The following PTPRN2 variants were observed in gnomAD, a reference collection of about 807,000 sequenced individuals.
PTPRN2 encodes receptor-type tyrosine-protein phosphatase N2.
In PTPRN2, 74 loss-of-function variants were observed where a neutral mutation model predicts 118.8. That is an observed-to-expected ratio of 0.62 (90% CI 0.52 to 0.76). The LOEUF (loss-of-function observed/expected upper bound fraction) is 0.76, where lower values mean the gene tolerates loss of function less well. Ranked by LOEUF, PTPRN2 falls within the 30% of genes least tolerant of loss-of-function variation. PTPRN2 has a pLI of 0.00. For synonymous variants in PTPRN2, 641 were observed against 608.0 expected (o/e 1.05, Z -0.80); for missense variants, 1,481 against 1,394.4 (o/e 1.06, Z -0.99).
intron 11 of PTPRN2, among the ~76,000 whole-genome samples, chr7:157,952,254 A>G (rs1800860841): frequency 1.3e-5 from 2 of 152,014 alleles, no homozygotes; most frequent in South Asian, 2.1e-4. Flanking sequence ...CCGCAGGACA[A>G]CTTAGGAGGA....
At chr7:158,455,108 C>G (rs1234020705) in intron 2 of PTPRN2, among the ~76,000 whole-genome samples, 1 of 152,248 alleles carries the variant, frequency 6.6e-6, no homozygotes, top group Non-Finnish European at 1.5e-5. Flanking sequence ...AACAGAAACA[C>G]CACACCTCCA....
intron 11 of PTPRN2, among the ~76,000 whole-genome samples, chr7:157,975,093 G>A (rs1459483919): frequency 6.6e-6 from 1 of 152,086 alleles, no homozygotes; most frequent in Non-Finnish European, 1.5e-5. Flanking sequence ...GTGCAGCCCA[G>A]GCCCAGCACA....
chr7:157,805,716 A>G (rs1356862160), intron 12 of PTPRN2, among the ~76,000 whole-genome samples: 1 of 152,228 alleles, frequency 6.6e-6, no homozygotes, highest in Non-Finnish European at 1.5e-5. Context: ...CCAAGAAAGT[A>G]ACTTCAATAA....
intron 2 of PTPRN2, among the ~76,000 whole-genome samples, chr7:158,422,687 T>C (rs1815356259): frequency 6.6e-6 from 1 of 151,206 alleles, no homozygotes; most frequent in Admixed American, 6.6e-5. Flanking sequence ...CGCTGCCGGC[T>C]TCTGGGGCCA....
intron 16 of PTPRN2, among the ~76,000 whole-genome samples, 183 bp from the exon 17 acceptor site, chr7:157,595,498 G>GTTTA (rs1171846994): frequency 2.6e-5 from 3 of 115,572 alleles, no homozygotes; most frequent in East Asian, 4.2e-4. Flanking sequence ...GAAGCCTGGT[G>GTTTA]TTTAGGAAGC....
intron 3 of PTPRN2, among the ~76,000 whole-genome samples, chr7:158,209,031 C>T (rs1191933567): frequency 1.3e-5 from 2 of 150,530 alleles, no homozygotes; most frequent in Non-Finnish European, 3.0e-5. Flanking sequence ...ATTGTAACCT[C>T]AAATCAAAAA....
At chr7:158,281,638 G>A (rs1439509956) in intron 3 of PTPRN2, among the ~76,000 whole-genome samples, 8 of 152,196 alleles carry the variant, frequency 5.3e-5, no homozygotes, top group African/African-American at 1.2e-4. Flanking sequence ...CTCCTGCCAC[G>A]TCCCGTGCAA....
chr7:157,606,752 A>G (rs1292682005), intron 15 of PTPRN2, among the ~76,000 whole-genome samples: 2 of 152,158 alleles, frequency 1.3e-5, no homozygotes, highest in Admixed American at 6.5e-5. Context: ...TCTCTACGCA[A>G]TTCTTTCATT....
rs1302195501 is a variant in PTPRN2, at chr7:158,560,802, C to T, written c.112+26756G>A. On this transcript the variant is annotated intron_variant, in intron 1 of 22. Coordinates refer to ENST00000389418, the MANE Select transcript of PTPRN2 (RefSeq NM_002847.5). Reference sequence around the variant, plus strand: ...CCAAAAACACATGACTAGAACACTGCATCTTGAACAGCTTTAAAAGAAGGC... The same window carrying T: ...CCAAAAACACATGACTAGAACACTGTATCTTGAACAGCTTTAAAAGAAGGC... Among the ~76,000 whole-genome samples the T allele has an allele frequency of 2.7e-4, 41 of 152,268 alleles. 1 individual carries two copies. The highest frequency in any genetic ancestry group is 2.6e-3 in the Admixed American group (40 of 15,290).
chr7:158,333,705 A>C (rs1227529209), intron 2 of PTPRN2, among the ~76,000 whole-genome samples: 23 of 150,660 alleles, frequency 1.5e-4, no homozygotes, highest in Admixed American at 3.3e-4. Flanking sequence ...CTGTCACCAT[A>C]AGAGCTGAGG....
rs111771242 is a variant in PTPRN2, at chr7:158,397,526, C to T, written c.164-80594G>A. 6.7e-4 allele frequency among the ~76,000 whole-genome samples: 102 copies of T among 152,328 alleles called. 2 individuals are homozygous for T. Among genetic ancestry groups the T allele is most frequent in the African/African-American group, 2.4e-3 (98 of 41,570 alleles). ...GTGCCCTGCACCCTCACCTTCCCTTCCAGAGAAATAGTGTGTCCTGCCCCA... is the reference window on the plus strand; with the variant it reads ...GTGCCCTGCACCCTCACCTTCCCTTTCAGAGAAATAGTGTGTCCTGCCCCA... On this transcript the variant is annotated intron_variant, in intron 2 of 22. Transcript: ENST00000389418.
chr7:157,722,256 G>A (rs1037539660), intron 12 of PTPRN2, among the ~76,000 whole-genome samples: 1 of 152,248 alleles, frequency 6.6e-6, no homozygotes, highest in Non-Finnish European at 1.5e-5. Context: ...TATGCTGCCT[G>A]GCATATTTTG....
intron 12 of PTPRN2, among the ~76,000 whole-genome samples, chr7:157,728,881 T>A (rs1799739246): frequency 6.6e-6 from 1 of 152,128 alleles, no homozygotes; most frequent in Non-Finnish European, 1.5e-5. Context: ...CATGAAGAAC[T>A]CTTTCTCTGG....
At position 158,060,371 on chromosome 7, in the gene PTPRN2, G is replaced by A. The variant is rs538880549; in HGVS notation, c.1723+20927C>T. ...CCCCATCTCCCATGCAGCCCCCAGC[G>A]GCCGCCATCACAGGTCTCACTGTCT... is the stretch of plus-strand genomic sequence containing the variant. On this transcript the variant is annotated intron_variant, in intron 11 of 22. Coordinates refer to ENST00000389418, the MANE Select transcript of PTPRN2 (RefSeq NM_002847.5). Among the ~76,000 whole-genome samples, 29 of 152,264 alleles carry A rather than the reference G, an allele frequency of 1.9e-4. 1 individual carries two copies. The East Asian group carries it at 2.7e-3, about 14-fold the overall frequency.
chr7:157,955,455 A>AT (rs1179241706), intron 11 of PTPRN2, among the ~76,000 whole-genome samples: 5 of 152,028 alleles, frequency 3.3e-5, no homozygotes, highest in African/African-American at 1.2e-4. Context: ...CTTACCAGTA[A>AT]TTTTTAAGCC....
At chr7:157,651,989 C>T (rs768787944) in intron 14 of PTPRN2, among the ~76,000 whole-genome samples, 2 of 152,244 alleles carry the variant, frequency 1.3e-5, no homozygotes, top group African/African-American at 2.4e-5. Flanking sequence ...ACGGACTGCA[C>T]CTTCCCTGCG....
intron 1 of PTPRN2, among the ~76,000 whole-genome samples, chr7:158,530,861 A>T (rs895604809): frequency 1.3e-5 from 2 of 152,182 alleles, no homozygotes; most frequent in Non-Finnish European, 2.9e-5. Flanking sequence ...TGCAGGTTCC[A>T]GGAAGGACGT....
chr7:158,366,083 GCA>G lies in PTPRN2; in HGVS notation c.164-49153_164-49152del, dbSNP rs751087936. ...CCAATGCACGCGTGCACACACACAC[GCA>G]CACACACACAGCATCCCTAGAAGCT... On this transcript the variant is annotated intron_variant, in intron 2 of 22. Coordinates refer to ENST00000389418, the MANE Select transcript of PTPRN2 (RefSeq NM_002847.5). Among the ~76,000 whole-genome samples, 630 of 84,690 alleles carry G rather than the reference GCA, an allele frequency of 7.4e-3. 5 individuals carry two copies. The highest frequency in any genetic ancestry group is 0.01 in the Non-Finnish European group (451 of 43,946). 55.6% of individuals were successfully genotyped at this position (84,690 alleles called of 152,430 possible). A position where few individuals can be genotyped will look rare whatever the true frequency, so the allele number is the denominator to read the frequency against.
intron 20 of PTPRN2, among the ~76,000 whole-genome samples, chr7:157,569,173 C>G (rs1423504010): frequency 1.3e-5 from 2 of 152,280 alleles, no homozygotes; most frequent in African/African-American, 4.8e-5. Flanking sequence ...AGCCTCTGAG[C>G]AGCTTGTAGC....
Sources: allele counts gnomAD v4.1 joint callset (sites outside exome capture counted in the v4.1 genomes callset), GRCh38; gene constraint gnomAD v4.1.1; transcripts MANE v1.5; gene names NCBI Gene and HGNC (gene_info 2026-07-23, HGNC 2026-07-21).